Variants in GMCL1 observed in about 807,000 individuals in gnomAD.
The protein encoded by GMCL1 is germ cell-less 1, spermatogenesis associated.
In GMCL1, 54 loss-of-function variants were observed where a neutral mutation model predicts 75.5. That is an observed-to-expected ratio of 0.71 (90% CI 0.57 to 0.90). The LOEUF is 0.90. Among genes scored for constraint, GMCL1 ranks in the 40% least tolerant of loss-of-function variants. The pLI, the probability that GMCL1 is intolerant of heterozygous loss-of-function variation, is 0.00. For synonymous variants in GMCL1, 210 were observed against 209.6 expected (o/e 1.00, Z -0.02); for missense variants, 537 against 622.7 (o/e 0.86, Z 1.47).
intron 9 of GMCL1, among the ~76,000 whole-genome samples, chr2:69,856,438 T>G (rs1238633767): frequency 6.6e-6 from 1 of 152,214 alleles, no homozygotes; most frequent in African/African-American, 2.4e-5. Context: ...AGGATTCAAC[T>G]GTGTCAAGCA....
chr2:69,843,032 TTTTC>T (rs1295920463), intron 4 of GMCL1, 113 bp from the exon 5 acceptor site: 6 of 398,068 alleles, frequency 1.5e-5, no homozygotes, highest in Admixed American at 1.4e-4. Flanking sequence ...ACTTAATGAG[TTTTC>T]TTTCTTTTCT....
chr2:69,861,625 T>C (rs375425109), intron 10 of GMCL1, among the ~76,000 whole-genome samples: 60 of 152,368 alleles, frequency 3.9e-4, no homozygotes, highest in African/African-American at 1.2e-3. Context: ...TAGTATCATA[T>C]GATTTTCTTT....
intron 1 of GMCL1, among the ~76,000 whole-genome samples, chr2:69,834,641 G>A (rs1255196761): frequency 6.6e-6 from 1 of 152,104 alleles, no homozygotes; most frequent in African/African-American, 2.4e-5. Context: ...TCTGGAACTT[G>A]TGGAACTTTT....
chr2:69,861,564 T>TACTAA (rs1186955937), intron 10 of GMCL1, among the ~76,000 whole-genome samples: 2 of 152,228 alleles, frequency 1.3e-5, no homozygotes, highest in East Asian at 3.8e-4. Flanking sequence ...GAAATGTCAT[T>TACTAA]TGCTTTATTA....
At chr2:69,833,246 A>G (rs1674724911) in intron 1 of GMCL1, among the ~76,000 whole-genome samples, 1 of 152,232 alleles carries the variant, frequency 6.6e-6, no homozygotes, top group African/African-American at 2.4e-5. Context: ...GAAAATGCAT[A>G]TCAGAATTTA....
chr2:69,851,575 A>T (rs1191972878), intron 8 of GMCL1, among the ~76,000 whole-genome samples: 2 of 151,894 alleles, frequency 1.3e-5, no homozygotes, highest in Non-Finnish European at 2.9e-5. Flanking sequence ...GCGCCATTGC[A>T]CTCCAGCCTG....
rs796081038 is a variant in GMCL1, at chr2:69,880,396, C to G, written c.*1392C>G. On this transcript the variant is annotated 3_prime_UTR_variant, in exon 14 of 14. Transcript: ENST00000282570. Reference sequence around the variant, plus strand: ...AATTTTTTTCTTTTTTAATGATATGCCCATAGGTTCATAAATTGCTTTTGT... The same window carrying G: ...AATTTTTTTCTTTTTTAATGATATGGCCATAGGTTCATAAATTGCTTTTGT... 6.6e-6 allele frequency: 1 copy of G among 151,846 alleles called. No homozygotes were observed. The highest frequency in any genetic ancestry group is 2.4e-5 in the African/African-American group (1 of 41,330). 9.4% of individuals were successfully genotyped at this position (151,846 alleles called of 1,614,324 possible).
At chr2:69,859,038 C>T (rs1323278989) in intron 9 of GMCL1, among the ~76,000 whole-genome samples, 1 of 149,368 alleles carries the variant, frequency 6.7e-6, no homozygotes, top group Non-Finnish European at 1.5e-5. Flanking sequence ...CCCAGCTACT[C>T]GGGAGGCTGA....
chr2:69,840,232 C>G (rs1014589542), intron 3 of GMCL1: 1 of 151,984 alleles, frequency 6.6e-6, no homozygotes, highest in Non-Finnish European at 1.5e-5. Context: ...CATGGTGAAC[C>G]CCATCTCTAC....
chr2:69,830,910 A>G (rs570608768), intron 1 of GMCL1, among the ~76,000 whole-genome samples: 1 of 152,044 alleles, frequency 6.6e-6, no homozygotes, highest in East Asian at 1.9e-4. Context: ...CACACATGAA[A>G]TTTTTTAAAT....
intron 12 of GMCL1, 56 bp downstream of exon 12, chr2:69,869,920 T>C: frequency 6.5e-7 from 1 of 1,546,668 alleles, no homozygotes; most frequent in East Asian, 2.3e-5. Context: ...ATATAAGAAA[T>C]AAAACCTTGA....
At chr2:69,855,380 C>T (rs1188453318) in intron 9 of GMCL1, among the ~76,000 whole-genome samples, 1 of 151,704 alleles carries the variant, frequency 6.6e-6, no homozygotes, top group Non-Finnish European at 1.5e-5. Flanking sequence ...GCAAATGTGT[C>T]TTTGCTAATT....
At chr2:69,833,523 G>A (rs1573337955) in intron 1 of GMCL1, among the ~76,000 whole-genome samples, 1 of 152,242 alleles carries the variant, frequency 6.6e-6, no homozygotes, top group South Asian at 2.1e-4. Context: ...GGCTGAGGCA[G>A]GAGAATTACC....
intron 6 of GMCL1, chr2:69,844,614 C>T (rs539764913): frequency 7.0e-6 from 1 of 143,054 alleles, no homozygotes; most frequent in Non-Finnish European, 1.5e-5. Context: ...GATGAATTCT[C>T]TGATGTGGAG....
In GMCL1 at chr2:69,859,742, T is replaced by TAAAAAAAA. The variant is rs1207817401; in HGVS notation, c.1073-1527_1073-1520dup. ...GAGTGAGACCGTGTCTCTCTCTCTCTAAAAAAAAAAAAAAAAGTATATATG... is the reference window on the plus strand; with the variant it reads ...GAGTGAGACCGTGTCTCTCTCTCTCTAAAAAAAAAAAAAAAAAAAAAAAAGTATATATG... On this transcript the variant is annotated intron_variant, in intron 9 of 13. Coordinates refer to ENST00000282570, the MANE Select transcript of GMCL1 (RefSeq NM_178439.5). 3.0e-4 allele frequency among the ~76,000 whole-genome samples: 24 copies of TAAAAAAAA among 79,086 alleles called. 2 individuals carry two copies. Among genetic ancestry groups the TAAAAAAAA allele is most frequent in the African/African-American group, 1.1e-3 (19 of 17,512 alleles). The allele number at this position is 79,086 out of a possible 152,430, so 51.9% of individuals were successfully genotyped here.
chr2:69,847,234 C>T (rs1187887084), intron 6 of GMCL1, among the ~76,000 whole-genome samples: 1 of 152,144 alleles, frequency 6.6e-6, no homozygotes, highest in Non-Finnish European at 1.5e-5. Flanking sequence ...TTACCGGAAC[C>T]TTGCTTTAAC....
intron 11 of GMCL1, among the ~76,000 whole-genome samples, chr2:69,867,197 T>C (rs1675844414): frequency 6.6e-6 from 1 of 152,076 alleles, no homozygotes; most frequent in East Asian, 1.9e-4. Flanking sequence ...CCTCCTACCT[T>C]GGCCTCCCAA....
intron 9 of GMCL1, among the ~76,000 whole-genome samples, chr2:69,855,774 T>C (rs1675451275): frequency 6.6e-6 from 1 of 152,196 alleles, no homozygotes; most frequent in Non-Finnish European, 1.5e-5. Flanking sequence ...GAATTTTACA[T>C]TGCTTATAGT....
chr2:69,878,119 A>C (rs1573379486), intron 13 of GMCL1, among the ~76,000 whole-genome samples: 1 of 152,226 alleles, frequency 6.6e-6, no homozygotes, highest in African/African-American at 2.4e-5. Flanking sequence ...GTGTAGTGTC[A>C]GCTCCTGTCT....
Sources: allele counts gnomAD v4.1 joint callset (sites outside exome capture counted in the v4.1 genomes callset), GRCh38; gene constraint gnomAD v4.1.1; transcripts MANE v1.5; gene names NCBI Gene and HGNC (gene_info 2026-07-23, HGNC 2026-07-21).